SAMHD1: variants seen among roughly 807,000 people sequenced by gnomAD.
SAMHD1 encodes deoxynucleoside triphosphate triphosphohydrolase SAMHD1.
In SAMHD1, 54 loss-of-function variants were observed where a neutral mutation model predicts 79.6. The observed-to-expected ratio is 0.68, with a 90% CI of 0.55 to 0.85. The LOEUF is 0.85. Among genes scored for constraint, SAMHD1 ranks in the 40% least tolerant of loss-of-function variants. SAMHD1 has a pLI of 0.00. For synonymous variants in SAMHD1, 260 were observed against 264.1 expected (o/e 0.98, Z 0.15); for missense variants, 663 against 782.7 (o/e 0.85, Z 1.82).
Position 36,919,497 on chromosome 20 carries a change from A to G in SAMHD1, c.719T>C (p.Met240Thr). The part of the protein sequence containing the change: ...KWTHEQGSVM[M>T]FEHLINSNGI... Reference sequence around the variant, plus strand: ...ATTAGAATTAATAAGGTGCTCAAACATCATAACTGAGCCTTGTTCATGCTA... The same window carrying G: ...ATTAGAATTAATAAGGTGCTCAAACGTCATAACTGAGCCTTGTTCATGCTA... The change falls in exon 7 of 16, where the codon ATG becomes ACG. Residue 240 changes from methionine (M) to threonine (T), a missense_variant. Coordinates refer to ENST00000646673, the MANE Select transcript of SAMHD1 (RefSeq NM_015474.4). 6.2e-7 allele frequency: 1 copy of G among 1,613,588 alleles called. No individual in the cohort carries two copies. Among genetic ancestry groups the G allele is most frequent in the Non-Finnish European group, 8.5e-7 (1 of 1,179,842 alleles).
At chr20:36,947,579 TGTGTGTGTG>T (rs367890181) in intron 1 of SAMHD1, among the ~76,000 whole-genome samples, 61 of 150,388 alleles carry the variant, frequency 4.1e-4, no homozygotes, top group South Asian at 1.1e-3. Context: ...TGTGTGTGTG[TGTGTGTGTG>T]TGTTGTTGGG....
At chr20:36,897,094 A>T (rs1258105605) in intron 15 of SAMHD1, among the ~76,000 whole-genome samples, 1 of 152,216 alleles carries the variant, frequency 6.6e-6, no homozygotes, top group South Asian at 2.1e-4. Context: ...TACCTGGATC[A>T]TGCCTTGTGG....
intron 13 of SAMHD1, among the ~76,000 whole-genome samples, chr20:36,903,375 G>A (rs2063386596): frequency 1.3e-5 from 2 of 151,208 alleles, no homozygotes; most frequent in African/African-American, 4.9e-5. Context: ...GAGTAGCTGG[G>A]ACTACAGGCA....
intron 3 of SAMHD1, chr20:36,940,553 G>A (rs978634873): frequency 5.9e-6 from 1 of 170,168 alleles, no homozygotes. Context: ...ACAAAAATTA[G>A]CCAGGTGTGG....
intron 1 of SAMHD1, among the ~76,000 whole-genome samples, chr20:36,949,091 C>A (rs1025935091): frequency 1.3e-5 from 2 of 150,132 alleles, no homozygotes; most frequent in African/African-American, 4.9e-5. Flanking sequence ...ATGGTGAAAC[C>A]CTGTCTTTAC....
At chr20:36,950,459 A>T (rs2063726379) in intron 1 of SAMHD1, among the ~76,000 whole-genome samples, 1 of 152,098 alleles carries the variant, frequency 6.6e-6, no homozygotes, top group Non-Finnish European at 1.5e-5. Context: ...AAATGCAAAA[A>T]TTTACTAAAT....
rs773573493 is a variant in SAMHD1, at chr20:36,951,663, C to T, written c.-20G>A. 5 of 1,612,354 alleles carry T rather than the reference C, an allele frequency of 3.1e-6. No homozygotes were observed. The highest frequency in any genetic ancestry group is 4.2e-6 in the Non-Finnish European group (5 of 1,179,956). ...CTGCATGGCTACACCTGGCGTCCGG[C>T]ACAGCAGTCAAGAACCTCGGCGCCG... On this transcript the variant is annotated 5_prime_UTR_variant, in exon 1 of 16. Transcript: ENST00000646673.
intron 13 of SAMHD1, among the ~76,000 whole-genome samples, chr20:36,902,760 T>C (rs1990328385): frequency 6.6e-6 from 1 of 151,686 alleles, no homozygotes; most frequent in South Asian, 2.1e-4. Flanking sequence ...TTTTTTGAGA[T>C]GGAGTCTCAC....
chr20:36,919,131 G>A lies in SAMHD1; in HGVS notation c.852+233C>T, dbSNP rs372577139. ...AGCCTGTGTGACAGAGTAAGACCCT[G>A]TCTCTAAAAAGAATTTCTGTATATA... On this transcript the variant is annotated intron_variant, in intron 7 of 15. Coordinates refer to ENST00000646673, the MANE Select transcript of SAMHD1 (RefSeq NM_015474.4). 3.6e-4 allele frequency among the ~76,000 whole-genome samples: 55 copies of A among 152,248 alleles called. 1 individual carries two copies. The South Asian group carries it at 0.01, about 29-fold the overall frequency.
chr20:36,946,597 A>T, intron 2 of SAMHD1, 141 bp downstream of exon 2: 1 of 658,022 alleles, frequency 1.5e-6, no homozygotes, highest in Non-Finnish European at 2.7e-6. Flanking sequence ...AAACAAAACC[A>T]GCAGGCAAGG....
intron 10 of SAMHD1, 155 bp from the exon 11 acceptor site, chr20:36,911,488 G>A (rs2063440148): frequency 3.1e-6 from 2 of 636,238 alleles, no homozygotes; most frequent in Non-Finnish European, 5.7e-6. Context: ...ATTTGTGCTT[G>A]GTAAGCTGTG....
chr20:36,917,613 T>G (rs1273010184), intron 7 of SAMHD1, among the ~76,000 whole-genome samples: 2 of 152,176 alleles, frequency 1.3e-5, no homozygotes, highest in East Asian at 3.8e-4. Flanking sequence ...GTTGTGCCAC[T>G]GCCCTCTAGC....
At chr20:36,948,444 T>C (rs34089924) in intron 1 of SAMHD1, among the ~76,000 whole-genome samples, 6 of 151,600 alleles carry the variant, frequency 4.0e-5, no homozygotes, top group Non-Finnish European at 8.8e-5. Context: ...GTAGAGACGG[T>C]GTTTCACCAT....
At chr20:36,935,899 T>A (rs2063600762) in intron 3 of SAMHD1, among the ~76,000 whole-genome samples, 1 of 151,656 alleles carries the variant, frequency 6.6e-6, no homozygotes. Flanking sequence ...AATGTATCTA[T>A]ACAGCACTCA....
chr20:36,905,401 C>T lies in SAMHD1; in HGVS notation c.1373G>A (p.Gly458Asp), dbSNP rs1428627086. The change falls in exon 12 of 16, where the codon GGT becomes GAT. Residue 458 changes from glycine (G) to aspartate (D), a missense_variant. Physicochemically the swap from Gly to Asp is moderately conservative, Grantham distance 94. Transcript: ENST00000646673. ...IEYRNLFKYVGETQPTGQIKI... is the reference protein window; with the variant it reads ...IEYRNLFKYVDETQPTGQIKI... ...TATTTGTCCTGTTGGCTGCGTCTCA[C>T]CCACATACTTGAATAGATTACGGTA... 1.2e-6 allele frequency: 2 copies of T among 1,614,038 alleles called. No homozygotes were observed. Among genetic ancestry groups the T allele is most frequent in the South Asian group, 1.1e-5 (1 of 91,078 alleles).
At chr20:36,924,280 G>A (rs2063523426) in intron 6 of SAMHD1, among the ~76,000 whole-genome samples, 1 of 149,590 alleles carries the variant, frequency 6.7e-6, no homozygotes, top group African/African-American at 2.5e-5. Flanking sequence ...GAGGGAAGGG[G>A]GAAGGGGAAA....
At chr20:36,947,385 G>A (rs35248193) in intron 1 of SAMHD1, among the ~76,000 whole-genome samples, 17 of 73,254 alleles carry the variant, frequency 2.3e-4, no homozygotes, top group Non-Finnish European at 3.4e-4. Context: ...ATTTGGAAGA[G>A]GTGTGTGTGA....
At position 36,905,481 on chromosome 20, in the gene SAMHD1, T is replaced by C. The variant is rs1356154563; in HGVS notation, c.1293A>G (p.Leu431=). The C allele has an allele frequency of 6.2e-7, 1 of 1,611,438 alleles. No homozygotes were observed. Among genetic ancestry groups the C allele is most frequent in the East Asian group, 2.2e-5 (1 of 44,844 alleles). The change falls in exon 12 of 16, where the codon TTA becomes TTG. Residue 431 remains leucine (L), a synonymous_variant. Coordinates refer to ENST00000646673, the MANE Select transcript of SAMHD1 (RefSeq NM_015474.4). ...CTTTCAATTTGGGATCAGTAGAGTA[T>C]AAAATCTCCAGAAAAATGTTATCTG... ...KLTDNIFLEI[L]YSTDPKLKDA... is the part of the protein sequence containing the mutation.
At chr20:36,919,287 G>A in intron 7 of SAMHD1, 77 bp downstream of exon 7, 1 of 1,402,946 alleles carries the variant, frequency 7.1e-7, no homozygotes, top group Non-Finnish European at 1.0e-6. Flanking sequence ...ATAGCCAAAT[G>A]TATAACTCAG....
Sources: gnomAD v4.1 joint callset for allele counts (sites outside exome capture counted in the v4.1 genomes callset) on GRCh38, gnomAD v4.1.1 for gene constraint, MANE v1.5 for transcripts, NCBI Gene and HGNC (gene_info 2026-07-23, HGNC 2026-07-21) for gene names.